YLPM1: variants seen among roughly 807,000 people sequenced by gnomAD.
YLPM1 encodes the protein YLP motif containing 1.
YLPM1 carries 99 observed loss-of-function variants against 230.0 expected under a neutral mutation model. The observed-to-expected ratio is 0.43, with a 90% CI of 0.37 to 0.51. The LOEUF (loss-of-function observed/expected upper bound fraction) is 0.51. Among genes scored for constraint, YLPM1 ranks in the 20% least tolerant of loss-of-function variants. The pLI, the probability that YLPM1 is intolerant of heterozygous loss-of-function variation, is 0.00. For synonymous variants in YLPM1, 984 were observed against 942.5 expected (o/e 1.04, Z -0.81); for missense variants, 2,592 against 2,707.7 (o/e 0.96, Z 0.95).
intron 4 of YLPM1, among the ~76,000 whole-genome samples, chr14:74,792,340 C>T (rs1248839205): frequency 2.0e-5 from 3 of 152,192 alleles, no homozygotes; most frequent in Non-Finnish European, 4.4e-5. Context: ...TCCTGCCTTA[C>T]AGGAAATCAA....
chr14:74,824,425 C>A, intron 18 of YLPM1, 118 bp downstream of exon 18: 1 of 969,048 alleles, frequency 1.0e-6, no homozygotes, highest in Non-Finnish European at 1.6e-6. Flanking sequence ...GATTTCTGGC[C>A]TACCTTATAT....
Position 74,836,047 on chromosome 14 carries a change from G to A in YLPM1, c.*309G>A, listed in dbSNP as rs2091641712. The A allele has an allele frequency of 2.8e-6, 1 of 357,180 alleles. No homozygotes were observed. Among genetic ancestry groups the A allele is most frequent in the Non-Finnish European group, 5.5e-6 (1 of 183,350 alleles). 22.1% of individuals were successfully genotyped at this position (357,180 alleles called of 1,614,324 possible). On this transcript the variant is annotated 3_prime_UTR_variant, in exon 21 of 21. Coordinates refer to ENST00000325680, the MANE Select transcript of YLPM1 (RefSeq NM_019589.3). ...TCCAACAGAGAGTATTTCCTCCACTGTACAATGTCACAGACTATCTCTATC... is the reference window on the plus strand; with the variant it reads ...TCCAACAGAGAGTATTTCCTCCACTATACAATGTCACAGACTATCTCTATC...
intron 4 of YLPM1, among the ~76,000 whole-genome samples, chr14:74,794,123 G>C (rs937543305): frequency 1.3e-5 from 2 of 151,988 alleles, no homozygotes; most frequent in Non-Finnish European, 2.9e-5. Flanking sequence ...TGAGTTCCTT[G>C]CAATGGGTTT....
intron 4 of YLPM1, among the ~76,000 whole-genome samples, chr14:74,782,854 T>C (rs1273265456): frequency 6.6e-6 from 1 of 152,148 alleles, no homozygotes; most frequent in Non-Finnish European, 1.5e-5. Context: ...ACACATAAAA[T>C]TCCTGCCCCC....
In YLPM1 at chr14:74,810,947, C is replaced by T. The variant is rs191692748; in HGVS notation, c.5228+527C>T. On this transcript the variant is annotated intron_variant, in intron 9 of 20. Coordinates refer to ENST00000325680, the MANE Select transcript of YLPM1 (RefSeq NM_019589.3). ...CAAGTGATCCTCCCACCTCAGTCTCCTGAGTAGCTGGGGCCACAGGCATGT... is the reference window on the plus strand; with the variant it reads ...CAAGTGATCCTCCCACCTCAGTCTCTTGAGTAGCTGGGGCCACAGGCATGT... Among the ~76,000 whole-genome samples, 260 of 152,174 alleles carry T rather than the reference C, an allele frequency of 1.7e-3. 3 individuals carry two copies. Among genetic ancestry groups the T allele is most frequent in the Middle Eastern group, 0.014 (4 of 294 alleles).
intron 4 of YLPM1, among the ~76,000 whole-genome samples, chr14:74,796,524 A>T (rs1041312120): frequency 6.6e-6 from 1 of 152,134 alleles, no homozygotes; most frequent in Non-Finnish European, 1.5e-5. Flanking sequence ...GAGACATTAC[A>T]TCTCTTGGTA....
chr14:74,821,778 A>G (rs1361600606), intron 17 of YLPM1: 1 of 152,286 alleles, frequency 6.6e-6, no homozygotes, highest in East Asian at 1.9e-4. Flanking sequence ...ATTCAAGAAT[A>G]TGCGACCTAT....
chr14:74,824,670 G>T (rs1370568760), intron 18 of YLPM1, among the ~76,000 whole-genome samples: 1 of 151,802 alleles, frequency 6.6e-6, no homozygotes, highest in Non-Finnish European at 1.5e-5. Context: ...ACCTGATTAT[G>T]AATACTTTAG....
Position 74,798,033 on chromosome 14 carries a change from T to C in YLPM1, c.2736T>C (p.Ser912=). The change falls in exon 5 of 21, where the codon AGT becomes AGC. Residue 912 remains serine, a synonymous_variant. Coordinates refer to ENST00000325680, the MANE Select transcript of YLPM1 (RefSeq NM_019589.3). ...ACTCTCAACAAGAGCCACCTAAAAG[T>C]GAAGTCTCGGAAGGGCCCGTAGAGC... ...LSDSQQEPPK[S]EVSEGPVEPS... is the part of the protein sequence containing the mutation. 6.2e-7 allele frequency: 1 copy of C among 1,613,746 alleles called. No homozygotes were observed. Among genetic ancestry groups the C allele is most frequent in the Non-Finnish European group, 8.5e-7 (1 of 1,179,806 alleles).
At chr14:74,820,554 C>T (rs926484787) in intron 16 of YLPM1, among the ~76,000 whole-genome samples, 2 of 152,108 alleles carry the variant, frequency 1.3e-5, no homozygotes, top group African/African-American at 4.8e-5. Context: ...AGGCCTGACT[C>T]TTTACTCTGC....
In YLPM1 at chr14:74,827,131, A is replaced by G. The variant is rs569898221; in HGVS notation, c.6164-2082A>G. On this transcript the variant is annotated intron_variant, in intron 18 of 20. Coordinates refer to ENST00000325680, the MANE Select transcript of YLPM1 (RefSeq NM_019589.3). Reference sequence around the variant, plus strand: ...AATACCATTTACATTTAGAAAATACATAGATGTATCTAAGGAATTTTTCTG... The same window carrying G: ...AATACCATTTACATTTAGAAAATACGTAGATGTATCTAAGGAATTTTTCTG... Among the ~76,000 whole-genome samples the G allele has an allele frequency of 1.1e-4, 16 of 152,348 alleles. No homozygotes were observed. The South Asian group carries it at 3.3e-3, about 32-fold the overall frequency.
At chr14:74,822,011 G>A (rs530019282) in intron 17 of YLPM1, 2 of 152,284 alleles carry the variant, frequency 1.3e-5, no homozygotes, top group African/African-American at 2.4e-5. Context: ...GAACCCGTGT[G>A]TGATATAGAG....
chr14:74,817,357 A>G (rs1430511820), intron 15 of YLPM1, 80 bp downstream of exon 15: 15 of 1,232,828 alleles, frequency 1.2e-5, no homozygotes, highest in South Asian at 4.4e-5. Context: ...GACTGCATAT[A>G]TGGTGGTCCC....
chr14:74,797,481 A>T, intron 4 of YLPM1, 99 bp from the exon 5 acceptor site: 2 of 1,043,814 alleles, frequency 1.9e-6, no homozygotes, highest in Non-Finnish European at 2.7e-6. Flanking sequence ...TCATTGTTGT[A>T]AACAAATTCT....
At chr14:74,830,027 C>T (rs764721346) in intron 19 of YLPM1, among the ~76,000 whole-genome samples, 63 of 152,072 alleles carry the variant, frequency 4.1e-4, no homozygotes, top group African/African-American at 7.0e-4. Context: ...GGTAATAGGA[C>T]GCCAGACCTC....
intron 4 of YLPM1, among the ~76,000 whole-genome samples, chr14:74,788,989 ATAAC>A (rs1183406552): frequency 1.3e-5 from 2 of 152,144 alleles, no homozygotes; most frequent in African/African-American, 4.8e-5. Context: ...TTTTTTCCGA[ATAAC>A]TATCCAGTTC....
chr14:74,826,335 C>T (rs2091562129), intron 18 of YLPM1, among the ~76,000 whole-genome samples: 1 of 152,040 alleles, frequency 6.6e-6, no homozygotes, highest in Admixed American at 6.6e-5. Flanking sequence ...GATCTTGTAG[C>T]CTATTTATGT....
chr14:74,770,414 AG>A (rs2090967137), intron 1 of YLPM1, among the ~76,000 whole-genome samples: 1 of 151,986 alleles, frequency 6.6e-6, no homozygotes, highest in Non-Finnish European at 1.5e-5. Flanking sequence ...ACTTGAAGTC[AG>A]GAGTTCAAGA....
At chr14:74,811,803 T>G in intron 10 of YLPM1, 65 bp downstream of exon 10, 2 of 1,127,236 alleles carry the variant, frequency 1.8e-6, no homozygotes, top group Non-Finnish European at 2.5e-6. Context: ...TGCTTTCCAT[T>G]GTAGCTATGA....
Sources: gnomAD v4.1 joint callset for allele counts (sites outside exome capture counted in the v4.1 genomes callset) on GRCh38, gnomAD v4.1.1 for gene constraint, MANE v1.5 for transcripts, NCBI Gene and HGNC (gene_info 2026-07-23, HGNC 2026-07-21) for gene names.